PRKG1: variants seen among roughly 807,000 people sequenced by gnomAD.
PRKG1 encodes the protein protein kinase cGMP-dependent 1, also known as cGMP-dependent protein kinase 1.
Under a neutral mutation model 88.1 loss-of-function variants are expected in PRKG1, and 35 were observed. The observed-to-expected ratio is 0.40, with a 90% confidence interval of 0.30 to 0.53. PRKG1 has a LOEUF of 0.53. Ranked by LOEUF, PRKG1 falls within the 20% of genes least tolerant of loss-of-function variation. The pLI is 0.59. For missense variants in PRKG1, 540 were observed against 839.8 expected, an observed-to-expected ratio of 0.64 and a Z score of 4.41; for synonymous variants, 303 against 292.5, an observed-to-expected ratio of 1.04 and a Z score of -0.37.
At chr10:52,141,546 A>T (rs1228185261) in intron 8 of PRKG1, among the ~76,000 whole-genome samples, 2 of 152,132 alleles carry the variant, frequency 1.3e-5, no homozygotes, top group Non-Finnish European at 2.9e-5. Context: ...TTGGGGGTTT[A>T]AAGGCAAATA....
chr10:51,391,969 G>A (rs975056902), intron 2 of PRKG1, among the ~76,000 whole-genome samples: 1 of 152,068 alleles, frequency 6.6e-6, no homozygotes, highest in Non-Finnish European at 1.5e-5. Flanking sequence ...TCCTCAAACC[G>A]ATTATATGAA....
intron 3 of PRKG1, among the ~76,000 whole-genome samples, chr10:51,726,696 G>A (rs1485504544): frequency 1.3e-5 from 2 of 152,166 alleles, no homozygotes; most frequent in East Asian, 1.9e-4. Flanking sequence ...CATGGTTAAC[G>A]TAACTGGGTA....
At chr10:51,250,020 G>A (rs1839389487) in intron 2 of PRKG1, among the ~76,000 whole-genome samples, 1 of 151,694 alleles carries the variant, frequency 6.6e-6, no homozygotes, top group South Asian at 2.1e-4. Flanking sequence ...GTTTATTAGA[G>A]GAGAAAACTG....
chr10:51,270,938 C>T (rs1341737179), intron 2 of PRKG1, among the ~76,000 whole-genome samples: 1 of 152,208 alleles, frequency 6.6e-6, no homozygotes, highest in East Asian at 1.9e-4. Context: ...AAGGAGAGCA[C>T]ATTCTAATGA....
intron 2 of PRKG1, among the ~76,000 whole-genome samples, chr10:51,304,831 G>T (rs1589337757): frequency 6.6e-6 from 1 of 151,996 alleles, no homozygotes; most frequent in East Asian, 1.9e-4. Context: ...TTTTATGGCT[G>T]CATAGTATTC....
At chr10:51,030,143 G>GA (rs1843263771) in intron 1 of PRKG1, among the ~76,000 whole-genome samples, 1 of 151,890 alleles carries the variant, frequency 6.6e-6, no homozygotes, top group African/African-American at 2.4e-5. Flanking sequence ...TTGGATAATA[G>GA]TAAATTGAAC....
chr10:51,286,433 T>G (rs1840443441), intron 2 of PRKG1, among the ~76,000 whole-genome samples: 1 of 152,256 alleles, frequency 6.6e-6, no homozygotes, highest in Non-Finnish European at 1.5e-5. Context: ...TTTTCCCTTC[T>G]TATAACATTT....
intron 3 of PRKG1, chr10:51,698,299 C>A: frequency 6.2e-7 from 1 of 1,614,142 alleles, no homozygotes; most frequent in Non-Finnish European, 8.5e-7. Flanking sequence ...GAGTCTCCAT[C>A]GCTCGAGAAT....
chr10:51,515,651 C>T (rs113860777), intron 3 of PRKG1, among the ~76,000 whole-genome samples: 2,188 of 152,204 alleles, frequency 0.014, 41 homozygotes, highest in African/African-American at 0.049. Context: ...TGCCATTTTT[C>T]GTCACAGTCT....
intron 5 of PRKG1, among the ~76,000 whole-genome samples, chr10:52,000,079 C>G (rs1248444703): frequency 6.6e-6 from 1 of 151,932 alleles, no homozygotes; most frequent in Non-Finnish European, 1.5e-5. Flanking sequence ...ATAAAGTTCA[C>G]TCACACCCTT....
chr10:51,968,820 C>CAAAAAAAAAAA (rs56810665), intron 5 of PRKG1, among the ~76,000 whole-genome samples: 1 of 105,458 alleles, frequency 9.5e-6, no homozygotes, highest in African/African-American at 3.0e-5. Flanking sequence ...AAAACTCCAT[C>CAAAAAAAAAAA]AAAAAAAAAA....
At chr10:52,079,604 G>A (rs1308059957) in intron 7 of PRKG1, among the ~76,000 whole-genome samples, 2 of 152,066 alleles carry the variant, frequency 1.3e-5, no homozygotes, top group African/African-American at 4.8e-5. Context: ...TAGAGGCAAG[G>A]TTCACTGTTT....
intron 2 of PRKG1, among the ~76,000 whole-genome samples, chr10:51,393,197 C>A (rs1837482846): frequency 6.7e-6 from 1 of 149,044 alleles, no homozygotes; most frequent in Non-Finnish European, 1.5e-5. Context: ...CGGGGCCGGG[C>A]AGAGGCGCTC....
At chr10:51,549,150 GT>G (rs1842520309) in intron 3 of PRKG1, among the ~76,000 whole-genome samples, 1 of 58,736 alleles carries the variant, frequency 1.7e-5, no homozygotes, top group African/African-American at 6.3e-5. Context: ...TTGAGACAGA[GT>G]CTTGCTCTGT....
chr10:52,251,086 C>T (rs2132399677), intron 9 of PRKG1, among the ~76,000 whole-genome samples: 1 of 152,204 alleles, frequency 6.6e-6, no homozygotes, highest in African/African-American at 2.4e-5. Context: ...GCTCCAGAGA[C>T]CTCCGTGATC....
chr10:51,709,098 A>G (rs1841680083), intron 3 of PRKG1, among the ~76,000 whole-genome samples: 1 of 152,236 alleles, frequency 6.6e-6, no homozygotes, highest in South Asian at 2.1e-4. Flanking sequence ...TCTCTACAAA[A>G]CATAAAACAT....
intron 3 of PRKG1, among the ~76,000 whole-genome samples, chr10:51,528,621 A>G (rs964112647): frequency 1.3e-5 from 2 of 149,802 alleles, no homozygotes; most frequent in Non-Finnish European, 3.0e-5. Context: ...TCTGTGCAAG[A>G]GAAAAGGCCT....
chr10:51,698,830 C>T (rs1456271519), intron 3 of PRKG1: 2 of 1,613,170 alleles, frequency 1.2e-6, no homozygotes, highest in African/African-American at 2.7e-5. Context: ...TAGCCAAATG[C>T]TGAGGCTGAG....
upstream of PRKG1, chr10:51,074,310 C>A (rs1281576705): frequency 6.1e-5 from 30 of 489,608 alleles, no homozygotes; most frequent in East Asian, 1.4e-3. Context: ...GCCGCGGCGC[C>A]CACCGCGTCT....
Sources: gnomAD v4.1 joint callset for allele counts (sites outside exome capture counted in the v4.1 genomes callset) on GRCh38, gnomAD v4.1.1 for gene constraint, MANE v1.5 for transcripts, NCBI Gene and HGNC (gene_info 2026-07-23, HGNC 2026-07-21) for gene names.